The following PHKB variants were observed in gnomAD, a reference collection of about 807,000 sequenced individuals.
PHKB encodes the protein phosphorylase kinase regulatory subunit beta.
A neutral mutation model predicts 152.1 loss-of-function variants in PHKB; 122 were observed. That is an observed-to-expected ratio of 0.80 (90% confidence interval 0.69 to 0.93). The LOEUF is 0.93. Among genes scored for constraint, PHKB ranks in the 40% least tolerant of loss-of-function variants. The pLI is 0.00. For missense variants in PHKB, 1,304 were observed against 1,328.4 expected, an observed-to-expected ratio of 0.98 and a Z score of 0.29; for synonymous variants, 436 against 464.9, an observed-to-expected ratio of 0.94 and a Z score of 0.80.
At chr16:47,641,572 G>A (rs190930755) in intron 15 of PHKB, 27 bp from the exon 16 acceptor site, 38 of 1,149,114 alleles carry the variant, frequency 3.3e-5, no homozygotes, top group African/African-American at 7.6e-5. Flanking sequence ...GTCTTAAAAC[G>A]TCTCTTTTTA....
At chr16:47,569,646 G>A (rs1227389771) in intron 7 of PHKB, among the ~76,000 whole-genome samples, 1 of 152,090 alleles carries the variant, frequency 6.6e-6, no homozygotes, top group Non-Finnish European at 1.5e-5. Context: ...TGTTGGGATG[G>A]AGTCACTCTG....
chr16:47,520,425 ACTAAGTGGCTTAT>A (rs745774147), intron 6 of PHKB, among the ~76,000 whole-genome samples: 75 of 152,358 alleles, frequency 4.9e-4, no homozygotes, highest in Non-Finnish European at 6.3e-4. Context: ...GCAGAGAGCC[ACTAAGTGGCTTAT>A]CAAGGTCGCA....
intron 6 of PHKB, among the ~76,000 whole-genome samples, chr16:47,540,887 G>A (rs2151668051): frequency 1.3e-5 from 2 of 149,514 alleles, no homozygotes; most frequent in Admixed American, 1.3e-4. Context: ...AGTGGCAATG[G>A]GGCGATCTTG....
chr16:47,661,973 A>G (rs1973453078), intron 23 of PHKB, among the ~76,000 whole-genome samples, 173 bp downstream of exon 23: 1 of 152,014 alleles, frequency 6.6e-6, no homozygotes, highest in Admixed American at 6.6e-5. Context: ...AGTGGAGGAG[A>G]CTGATGTATG....
intron 16 of PHKB, among the ~76,000 whole-genome samples, chr16:47,643,653 T>A (rs1314048746): frequency 6.6e-6 from 1 of 152,206 alleles, no homozygotes; most frequent in Non-Finnish European, 1.5e-5. Context: ...TGCCTAGTAT[T>A]CTGCTCCTTA....
rs1315607819 is a variant in PHKB, at chr16:47,641,607, T to C, written c.1523T>C (p.Val508Ala). 1 of 1,574,764 alleles carries C rather than the reference T, an allele frequency of 6.4e-7. No homozygotes were observed. The highest frequency in any genetic ancestry group is 1.1e-5 in the South Asian group (1 of 90,260). The change falls in exon 16 of 31, where the codon GTT becomes GCT. Residue 508 changes from valine (V) to alanine (A), a missense_variant. Physicochemically the swap from Val to Ala is moderately conservative, Grantham distance 64. Transcript: ENST00000323584. ...ALIAESQRLQ[V>A]FLNTYGIQTQ... ...ATCCCTATGATCTTTAGACTTCAAG[T>C]TTTTCTGAACACATATGGTATTCAA...
At chr16:47,547,829 C>G (rs1971200604) in intron 7 of PHKB, 1 of 374,642 alleles carries the variant, frequency 2.7e-6, no homozygotes, top group Non-Finnish European at 4.9e-6. Context: ...CTTGGCCTTT[C>G]TGCTCAACCA....
rs550579894 is a variant in PHKB, at chr16:47,481,104, C to A, written c.77-16295C>A. Among the ~76,000 whole-genome samples, 9 of 152,152 alleles carry A rather than the reference C, an allele frequency of 5.9e-5. No individual in the cohort carries two copies. The East Asian group carries it at 1.7e-3, about 29-fold the overall frequency. ...TCCTCTCCCAAGGGTCGTGAGTTTG[C>A]TTTGTCTCCCACAGAGACAGCATGG... On this transcript the variant is annotated intron_variant, in intron 1 of 30. Coordinates refer to ENST00000323584, the MANE Select transcript of PHKB (RefSeq NM_000293.3).
At chr16:47,664,095 A>G (rs1334796339) in intron 24 of PHKB, 1 of 238,310 alleles carries the variant, frequency 4.2e-6, no homozygotes, top group Non-Finnish European at 8.2e-6. Context: ...GAGACCAGTG[A>G]TTTATCTAAT....
chr16:47,670,935 T>C (rs1013967232), intron 26 of PHKB, among the ~76,000 whole-genome samples: 84 of 152,332 alleles, frequency 5.5e-4, no homozygotes, highest in African/African-American at 1.7e-3. Flanking sequence ...TACAGACTTA[T>C]GTGCCCATAC....
intron 5 of PHKB, among the ~76,000 whole-genome samples, chr16:47,512,617 A>G (rs538447548): frequency 6.6e-6 from 1 of 152,278 alleles, no homozygotes; most frequent in Admixed American, 6.5e-5. Flanking sequence ...GTCTTATATA[A>G]TATATTAAAT....
chr16:47,676,924 T>G (rs781174958), intron 26 of PHKB, among the ~76,000 whole-genome samples: 1 of 152,198 alleles, frequency 6.6e-6, no homozygotes, highest in South Asian at 2.1e-4. Context: ...TTATCAAGTA[T>G]TTTTCATCTC....
chr16:47,641,386 TC>T (rs1973019194), intron 15 of PHKB, among the ~76,000 whole-genome samples: 1 of 152,178 alleles, frequency 6.6e-6, no homozygotes, highest in Admixed American at 6.5e-5. Context: ...ATCAGTGCTT[TC>T]CCTCCCTGTC....
At position 47,649,166 on chromosome 16, in the gene PHKB, A is replaced by G. The variant is rs140636792; in HGVS notation, c.1759A>G (p.Met587Val). 2.5e-6 allele frequency: 4 copies of G among 1,606,892 alleles called. No individual in the cohort carries two copies. The highest frequency in any genetic ancestry group is 1.7e-5 in the Admixed American group (1 of 60,004). The change falls in exon 18 of 31, where the codon ATG becomes GTG. Residue 587 changes from methionine (M) to valine (V), a missense_variant. Physicochemically the swap from Met to Val is conservative, Grantham distance 21. Transcript: ENST00000323584. ...TATTTTCGACCTAAGTGATTTCTACATGTCTCAGGATGTTTTCCTGCTGAT... is the reference window on the plus strand; with the variant it reads ...TATTTTCGACCTAAGTGATTTCTACGTGTCTCAGGATGTTTTCCTGCTGAT... The part of the protein sequence containing the change: ...PIIFDLSDFY[M>V]SQDVFLLIDD...
chr16:47,631,848 T>C (rs1053768781), intron 14 of PHKB, among the ~76,000 whole-genome samples: 1 of 152,202 alleles, frequency 6.6e-6, no homozygotes, highest in Non-Finnish European at 1.5e-5. Context: ...GTGGTGTATA[T>C]GTGCCACATT....
At chr16:47,567,720 C>A (rs550238808) in intron 7 of PHKB, among the ~76,000 whole-genome samples, 4 of 152,216 alleles carry the variant, frequency 2.6e-5, no homozygotes, top group African/African-American at 9.6e-5. Flanking sequence ...TTCTTCTATG[C>A]CTAGTTTGTT....
intron 6 of PHKB, among the ~76,000 whole-genome samples, chr16:47,539,695 G>T (rs1971017621): frequency 6.6e-6 from 1 of 152,150 alleles, no homozygotes. Flanking sequence ...GGAGGGACTG[G>T]CTGGAGCCAC....
rs1970864405 is a variant in PHKB at position 47,531,717 on chromosome 16, G to T, written c.595-15716G>T. ...TATTACGTATATAATGTAGCCACTA[G>T]AAAACTCATGTTACGTTTGTGAGAC... On this transcript the variant is annotated intron_variant, in intron 6 of 30. Coordinates refer to ENST00000323584, the MANE Select transcript of PHKB (RefSeq NM_000293.3). Among the ~76,000 whole-genome samples the T allele has an allele frequency of 2.0e-5, 3 of 152,092 alleles. No individual in the cohort carries two copies. The South Asian group carries it at 6.2e-4, about 31-fold the overall frequency.
rs377134177 is a variant in PHKB, at chr16:47,513,932, T to C, written c.514-1589T>C. On this transcript the variant is annotated intron_variant, in intron 5 of 30. Transcript: ENST00000323584. ...AGTATATTCAGAGTTTCTCAACCAT[T>C]ATCACTATAAATTTTAGAACATTGT... 2.0e-4 allele frequency among the ~76,000 whole-genome samples: 30 copies of C among 152,328 alleles called. No homozygotes were observed. The East Asian group carries it at 4.1e-3, about 21-fold the overall frequency.
Sources: gnomAD v4.1 joint callset for allele counts (sites outside exome capture counted in the v4.1 genomes callset) on GRCh38, gnomAD v4.1.1 for gene constraint, MANE v1.5 for transcripts, NCBI Gene and HGNC (gene_info 2026-07-23, HGNC 2026-07-21) for gene names.